ASPRV1: variants seen among roughly 807,000 people sequenced by gnomAD.
ASPRV1 encodes aspartic peptidase retroviral like 1.
A neutral mutation model predicts 11.0 loss-of-function variants in ASPRV1; 7 were observed. The observed-to-expected ratio is 0.64, with a 90% CI of 0.36 to 1.20. The LOEUF (loss-of-function observed/expected upper bound fraction) is 1.20, where lower values mean the gene tolerates loss of function less well. Ranked by LOEUF, ASPRV1 falls within the 50% of genes most tolerant of loss-of-function variation. The pLI is 0.02. For synonymous variants in ASPRV1, 136 were observed against 138.4 expected (o/e 0.98, Z 0.12); for missense variants, 299 against 320.0 (o/e 0.93, Z 0.50).
chr2:69,997,041 G>A, the ASPRV1 span, among the ~76,000 whole-genome samples: 1 of 152,176 alleles, frequency 6.6e-6, no homozygotes, highest in Non-Finnish European at 1.5e-5. Context: ...ACACAAGGAG[G>A]CTGGGTGTGG....
the ASPRV1 span, among the ~76,000 whole-genome samples, chr2:70,046,984 A>G: frequency 6.6e-6 from 1 of 152,180 alleles, no homozygotes; most frequent in African/African-American, 2.4e-5. Context: ...GAGGGACATA[A>G]TAATTTTTCT....
chr2:70,064,804 A>G, the ASPRV1 span, among the ~76,000 whole-genome samples: 1 of 152,204 alleles, frequency 6.6e-6, no homozygotes, highest in African/African-American at 2.4e-5. Flanking sequence ...AATAAAACAA[A>G]CAATATCAGC....
At chr2:69,990,538 T>C in the ASPRV1 span, among the ~76,000 whole-genome samples, 1 of 152,114 alleles carries the variant, frequency 6.6e-6, no homozygotes, top group East Asian at 1.9e-4. Context: ...AGTGCAGTTG[T>C]GTGATCAGGG....
chr2:69,977,116 T>C, the ASPRV1 span, among the ~76,000 whole-genome samples: 2 of 151,480 alleles, frequency 1.3e-5, no homozygotes, highest in Non-Finnish European at 2.9e-5. Context: ...CACTTGAACA[T>C]GGGAGGAGGA....
chr2:70,081,487 C>G, the ASPRV1 span: 1 of 139,082 alleles, frequency 7.2e-6, no homozygotes, highest in Non-Finnish European at 1.5e-5. Context: ...CAGCAAGACT[C>G]CATCTTAAAA....
At chr2:70,036,964 T>C in the ASPRV1 span, among the ~76,000 whole-genome samples, 5 of 152,212 alleles carry the variant, frequency 3.3e-5, no homozygotes, top group Non-Finnish European at 7.3e-5. Flanking sequence ...AGGAGACTTC[T>C]GGCAGGAAGG....
At chr2:69,938,059 G>T in the ASPRV1 span, 4 of 1,596,742 alleles carry the variant, frequency 2.5e-6, no homozygotes, top group Non-Finnish European at 3.4e-6. Flanking sequence ...TCTGCAGAGC[G>T]CTTTCATCAA....
chr2:69,965,124 T>C (rs977054967), upstream of ASPRV1, among the ~76,000 whole-genome samples: 7 of 152,204 alleles, frequency 4.6e-5, no homozygotes, highest in East Asian at 1.9e-4. Context: ...CTCGGCTCAC[T>C]GCAACCTCTG....
At chr2:70,031,413 G>A in the ASPRV1 span, 1 of 152,140 alleles carries the variant, frequency 6.6e-6, no homozygotes, top group African/African-American at 2.4e-5. Context: ...GGGAAAACCT[G>A]AGGGCTGGGT....
chr2:69,933,831 G>C, the ASPRV1 span, among the ~76,000 whole-genome samples: 1 of 152,164 alleles, frequency 6.6e-6, no homozygotes, highest in Non-Finnish European at 1.5e-5. Flanking sequence ...CAATTCTTAA[G>C]AGGAAAAAGG....
chr2:70,062,288 A>G, the ASPRV1 span, among the ~76,000 whole-genome samples: 1 of 152,162 alleles, frequency 6.6e-6, no homozygotes, highest in African/African-American at 2.4e-5. Flanking sequence ...CTGGGCAACA[A>G]GAGCGAAACT....
the ASPRV1 span, among the ~76,000 whole-genome samples, chr2:69,997,483 C>T: frequency 6.6e-6 from 1 of 152,148 alleles, no homozygotes; most frequent in South Asian, 2.1e-4. Context: ...CAAGTCAGCA[C>T]CTGTGAGTCA....
At chr2:69,998,602 G>A in the ASPRV1 span, among the ~76,000 whole-genome samples, 2 of 151,946 alleles carry the variant, frequency 1.3e-5, no homozygotes, top group African/African-American at 4.8e-5. Context: ...GGTGGTGGGC[G>A]CCTGTAGTCC....
the ASPRV1 span, among the ~76,000 whole-genome samples, chr2:70,018,701 T>G: frequency 6.6e-6 from 1 of 152,212 alleles, no homozygotes; most frequent in Non-Finnish European, 1.5e-5. Flanking sequence ...TAAATGGTGC[T>G]GGAAAAACTG....
the ASPRV1 span, chr2:70,077,344 T>G: frequency 2.6e-5 from 4 of 152,306 alleles, no homozygotes; most frequent in Non-Finnish European, 5.9e-5. Flanking sequence ...GGCTGCAGTC[T>G]TTTTATTTCA....
chr2:70,059,837 G>C, the ASPRV1 span: 6 of 152,122 alleles, frequency 3.9e-5, no homozygotes, highest in African/African-American at 1.2e-4. Context: ...GGCACAGCTC[G>C]GGCAGTAATG....
At chr2:69,986,042 G>A in the ASPRV1 span, among the ~76,000 whole-genome samples, 1 of 152,206 alleles carries the variant, frequency 6.6e-6, no homozygotes, top group Non-Finnish European at 1.5e-5. Flanking sequence ...TCGGGACAGG[G>A]GGAATACCTC....
At chr2:69,982,095 C>G in the ASPRV1 span, among the ~76,000 whole-genome samples, 1 of 151,632 alleles carries the variant, frequency 6.6e-6, no homozygotes, top group Admixed American at 6.6e-5. Flanking sequence ...TTCCATCCAT[C>G]GGGCACAAGA....
chr2:69,985,078 G>A, the ASPRV1 span, among the ~76,000 whole-genome samples: 4 of 152,046 alleles, frequency 2.6e-5, no homozygotes, highest in Admixed American at 1.3e-4. Flanking sequence ...GGATGGTCTC[G>A]ATCTCCTGAC....
Sources: gnomAD v4.1 joint callset for allele counts (sites outside exome capture counted in the v4.1 genomes callset) on GRCh38, gnomAD v4.1.1 for gene constraint, MANE v1.5 for transcripts, NCBI Gene and HGNC (gene_info 2026-07-23, HGNC 2026-07-21) for gene names.